The following FANCL variants were observed in gnomAD, a reference collection of about 807,000 sequenced individuals.
The protein encoded by FANCL is E3 ubiquitin-protein ligase FANCL.
FANCL carries 69 observed loss-of-function variants against 59.4 expected under a neutral mutation model. That is an observed-to-expected ratio of 1.16 (90% CI 0.96 to 1.42). The LOEUF is 1.42. Ranked by LOEUF, FANCL falls within the 40% of genes most tolerant of loss-of-function variation. The pLI is 0.00. For missense variants in FANCL, 519 were observed against 447.2 expected (o/e 1.16, Z -1.45); for synonymous variants, 180 against 147.1 (o/e 1.22, Z -1.62).
At chr2:58,209,678 T>C (rs926675356) in intron 5 of FANCL, among the ~76,000 whole-genome samples, 1 of 152,170 alleles carries the variant, frequency 6.6e-6, no homozygotes, top group African/African-American at 2.4e-5. Flanking sequence ...CTTTGAAATC[T>C]TTATTATTAG....
At chr2:58,223,036 A>T (rs935555042) in intron 4 of FANCL, among the ~76,000 whole-genome samples, 1 of 151,718 alleles carries the variant, frequency 6.6e-6, no homozygotes, top group Non-Finnish European at 1.5e-5. Context: ...GGACACTATC[A>T]AATTGAGATC....
intron 5 of FANCL, among the ~76,000 whole-genome samples, chr2:58,220,155 C>T (rs1235194795): frequency 6.6e-6 from 1 of 152,178 alleles, no homozygotes; most frequent in East Asian, 1.9e-4. Flanking sequence ...CAGTTGAAAT[C>T]CGAGGCTGTA....
intron 1 of FANCL, among the ~76,000 whole-genome samples, chr2:58,240,904 T>C (rs191944718): frequency 2.6e-5 from 4 of 151,524 alleles, no homozygotes; most frequent in African/African-American, 9.7e-5. Flanking sequence ...AAAAAAAAAA[T>C]TAAAAAACAG....
chr2:58,167,696 AGT>A (rs1686093650), intron 7 of FANCL, among the ~76,000 whole-genome samples: 1 of 152,224 alleles, frequency 6.6e-6, no homozygotes, highest in African/African-American at 2.4e-5. Flanking sequence ...TTACAGAAAA[AGT>A]GAATTTTAAA....
intron 7 of FANCL, among the ~76,000 whole-genome samples, chr2:58,175,676 T>A (rs1457728089): frequency 6.6e-6 from 1 of 152,302 alleles, no homozygotes; most frequent in African/African-American, 2.4e-5. Flanking sequence ...ACAGCCAATA[T>A]CACAGTGAAT....
In FANCL at chr2:58,228,358, T is replaced by C. The variant is rs143600383; in HGVS notation, c.216+1456A>G. ...AACACATATGATTCACATCTTAACA[T>C]AGCTTTGAGTGGGTCTGTGTAGAGC... On this transcript the variant is annotated intron_variant, in intron 3 of 13. Coordinates refer to ENST00000233741, the MANE Select transcript of FANCL (RefSeq NM_018062.4). Among the ~76,000 whole-genome samples the C allele has an allele frequency of 1.5e-4, 23 of 152,338 alleles. No individual in the cohort carries two copies. In the East Asian group the frequency reaches 3.7e-3, roughly 24 times the overall value.
In FANCL at chr2:58,223,152, AC is replaced by A. The variant is rs1416406724; in HGVS notation, c.274-1111del. On this transcript the variant is annotated intron_variant, in intron 4 of 13. Transcript: ENST00000233741. The stretch of plus-strand genomic sequence containing the variant: ...TCTGCTTTATGATGAAAAAAAAAAA[AC>A]AACTGGGAAAACAGATCCGTACAGC... Among the ~76,000 whole-genome samples the A allele has an allele frequency of 9.5e-4, 144 of 151,542 alleles. 2 individuals carry two copies. Among genetic ancestry groups the A allele is most frequent in the Non-Finnish European group, 1.8e-4 (12 of 67,678 alleles).
intron 7 of FANCL, among the ~76,000 whole-genome samples, chr2:58,176,954 T>C (rs1687389305): frequency 6.6e-6 from 1 of 151,538 alleles, no homozygotes; most frequent in African/African-American, 2.4e-5. Flanking sequence ...AACAACCCCA[T>C]CAAAAAGTGG....
chr2:58,236,393 A>T (rs2103985315), intron 1 of FANCL, among the ~76,000 whole-genome samples: 1 of 152,042 alleles, frequency 6.6e-6, no homozygotes, highest in South Asian at 2.1e-4. Context: ...AAAAAATGGA[A>T]TCCTAATATT....
chr2:58,173,684 G>T (rs1372692210), intron 7 of FANCL, among the ~76,000 whole-genome samples: 1 of 152,106 alleles, frequency 6.6e-6, no homozygotes, highest in Non-Finnish European at 1.5e-5. Context: ...GCAAAATCAT[G>T]CCAAATTGTA....
chr2:58,163,410 AC>A, intron 9 of FANCL, 23 bp downstream of exon 9: 1 of 1,498,980 alleles, frequency 6.7e-7, no homozygotes, highest in East Asian at 2.3e-5. Context: ...CTATTAAAAA[AC>A]GTTTAAATCT....
At chr2:58,172,898 A>G (rs1327508863) in intron 7 of FANCL, among the ~76,000 whole-genome samples, 1 of 152,236 alleles carries the variant, frequency 6.6e-6, no homozygotes, top group East Asian at 1.9e-4. Context: ...AAAAAAATTT[A>G]GACGAATGCA....
At chr2:58,197,331 A>T (rs1426134913) in intron 7 of FANCL, among the ~76,000 whole-genome samples, 1 of 152,098 alleles carries the variant, frequency 6.6e-6, no homozygotes, top group Admixed American at 6.5e-5. Flanking sequence ...AAATACAAGC[A>T]TAATTTTTTA....
chr2:58,194,892 A>G (rs1352119044), intron 7 of FANCL, among the ~76,000 whole-genome samples: 1 of 151,534 alleles, frequency 6.6e-6, no homozygotes, highest in East Asian at 1.9e-4. Context: ...CCCATTTTTA[A>G]TATGGATGCC....
chr2:58,172,825 C>A (rs901590137), intron 7 of FANCL, among the ~76,000 whole-genome samples: 6 of 151,892 alleles, frequency 4.0e-5, no homozygotes, highest in Admixed American at 1.3e-4. Context: ...GGCTTCAGAC[C>A]ATCAAACTAC....
intron 1 of FANCL, among the ~76,000 whole-genome samples, chr2:58,236,943 C>A (rs944070528): frequency 6.6e-6 from 1 of 152,050 alleles, no homozygotes; most frequent in Non-Finnish European, 1.5e-5. Context: ...GACCTAATAA[C>A]AGAACTTCAA....
rs772224853 is a variant in FANCL at position 58,162,891 on chromosome 2, G to A, written c.878C>T (p.Pro293Leu). The change falls in exon 11 of 14, where the codon CCA becomes CTA. Residue 293 changes from proline (P) to leucine (L), a missense_variant. Pro to Leu is a moderately conservative substitution (Grantham distance 98). Transcript: ENST00000233741. ...NLKDVLEIDF[P>L]ARAILEKSDF... The stretch of plus-strand genomic sequence containing the variant: ...AGATTTTTCCAGGATAGCACGAGCT[G>A]GAAAATCAATTTCTAAAACATCTTT... 1.2e-6 allele frequency: 2 copies of A among 1,612,492 alleles called. No individual in the cohort carries two copies. Among genetic ancestry groups the A allele is most frequent in the Non-Finnish European group, 1.7e-6 (2 of 1,178,948 alleles).
At chr2:58,194,291 C>T (rs777743179) in intron 7 of FANCL, 6 of 470,760 alleles carry the variant, frequency 1.3e-5, no homozygotes, top group Admixed American at 2.4e-5. Context: ...AAAGGAATTT[C>T]GTTTTTTTAT....
chr2:58,170,495 T>C lies in FANCL; in HGVS notation c.541-4621A>G, dbSNP rs560430991. On this transcript the variant is annotated intron_variant, in intron 7 of 13. Coordinates refer to ENST00000233741, the MANE Select transcript of FANCL (RefSeq NM_018062.4). ...TGCATCAACTAACAAAATAACCAGC[T>C]AGCATCATAATGACAGGATCAAATT... Among the ~76,000 whole-genome samples, 190 of 152,182 alleles carry C rather than the reference T, an allele frequency of 1.2e-3. 2 individuals are homozygous for C. Among genetic ancestry groups the C allele is most frequent in the African/African-American group, 4.2e-3 (175 of 41,496 alleles).
Sources: allele counts gnomAD v4.1 joint callset (sites outside exome capture counted in the v4.1 genomes callset), GRCh38; gene constraint gnomAD v4.1.1; transcripts MANE v1.5; gene names NCBI Gene and HGNC (gene_info 2026-07-23, HGNC 2026-07-21).